The following ZNF425 variants were observed in gnomAD, a reference collection of about 807,000 sequenced individuals.
ZNF425 encodes zinc finger protein 425.
A neutral mutation model predicts 17.0 loss-of-function variants in ZNF425; 21 were observed. That is an observed-to-expected ratio of 1.23 (90% CI 0.88 to 1.78). The LOEUF (loss-of-function observed/expected upper bound fraction) is 1.78. Among genes scored for constraint, ZNF425 ranks in the 40% most tolerant of loss-of-function variants. The pLI, the probability that ZNF425 is intolerant of heterozygous loss-of-function variation, is 0.00. For synonymous variants in ZNF425, 433 were observed against 384.1 expected, an observed-to-expected ratio of 1.13 and a Z score of -1.49; for missense variants, 868 against 967.3, an observed-to-expected ratio of 0.90 and a Z score of 1.36.
In ZNF425 at chr7:149,104,731, G is replaced by T. The variant is rs368373727; in HGVS notation, c.1140C>A (p.His380Gln). The T allele has an allele frequency of 6.2e-7, 1 of 1,613,316 alleles. No homozygotes were observed. Among genetic ancestry groups the T allele is most frequent in the African/African-American group, 1.3e-5 (1 of 75,064 alleles). ...KAALKTHQRT[H>Q]SEEKPFSCGE... The stretch of plus-strand genomic sequence containing the variant: ...CACAAGAAAACGGCTTTTCCTCGCT[G>T]TGCGTCCTCTGGTGGGTCTTCAGGG... The change falls in exon 4 of 4, where the codon CAC becomes CAA. Residue 380 changes from histidine to glutamine, a missense_variant. Physicochemically the swap from His to Gln is conservative, Grantham distance 24. Coordinates refer to ENST00000378061, the MANE Select transcript of ZNF425 (RefSeq NM_001001661.3). The surrounding 1 kb of genome is among the most constrained non-coding windows in gnomAD (Gnocchi z 4.3).
At chr7:149,125,245 CAAG>C (rs1366791355) in intron 1 of ZNF425, among the ~76,000 whole-genome samples, 1 of 152,096 alleles carries the variant, frequency 6.6e-6, no homozygotes, top group Non-Finnish European at 1.5e-5. Flanking sequence ...ATTGGGGGCA[CAAG>C]AAAAACTTGC....
intron 2 of ZNF425, among the ~76,000 whole-genome samples, chr7:149,117,942 G>A (rs569252701): frequency 1.6e-4 from 25 of 152,130 alleles, no homozygotes; most frequent in Admixed American, 6.6e-4. Context: ...GTGAGCCACC[G>A]CGCCTGGCCA....
Position 149,118,229 on chromosome 7 carries a change from A to G in ZNF425, c.138T>C (p.Asp46=). 1 of 1,614,074 alleles carries G rather than the reference A, an allele frequency of 6.2e-7. No individual in the cohort carries two copies. Among genetic ancestry groups the G allele is most frequent in the Non-Finnish European group, 8.5e-7 (1 of 1,180,010 alleles). The change falls in exon 2 of 4, where the codon GAT becomes GAC. Residue 46 remains aspartate (D), a synonymous_variant. Coordinates refer to ENST00000378061, the MANE Select transcript of ZNF425 (RefSeq NM_001001661.3). ...QEMKTNYETL[D]SLGYAFSKPD... is the part of the protein sequence containing the mutation. ...CTTAGAAGCTCATCTTACCCAGGGA[A>G]TCAAGGGTCTCGTAATTGGTCTTCA...
chr7:149,125,935 G>A (rs995929329), intron 1 of ZNF425: 2 of 659,758 alleles, frequency 3.0e-6, no homozygotes, highest in East Asian at 2.8e-5. Context: ...CGCTGCTCCC[G>A]CCTCAGCCTT....
intron 1 of ZNF425, among the ~76,000 whole-genome samples, chr7:149,119,459 T>C (rs1826317439): frequency 6.6e-6 from 1 of 152,208 alleles, no homozygotes; most frequent in Admixed American, 6.6e-5. Flanking sequence ...TATATTATAG[T>C]ACAATATCAA....
rs1176377641 is a variant in ZNF425 at position 149,104,603 on chromosome 7, A to T, written c.1268T>A (p.Phe423Tyr). 1.2e-6 allele frequency: 2 copies of T among 1,614,044 alleles called. No individual in the cohort carries two copies. The highest frequency in any genetic ancestry group is 1.7e-6 in the Non-Finnish European group (2 of 1,179,982). Residue 423 changes from phenylalanine to tyrosine, a missense_variant, in exon 4 of 4, where the codon TTC becomes TAC. Around this residue, in one of 5 missense-constraint regions of ZNF425, gnomAD observed 437 missense variants for 444.2 expected, o/e 0.98. Transcript: ENST00000378061. This position sits in a 1 kb window ranked among gnomAD's most constrained non-coding sequence, Gnocchi z 4.3. ...GGCTTTCAGGCTTCTCTTGAGGCGG[A>T]AACTTTTGTTACACTCGGGACACGA... ...PFSCPECNKS[F>Y]RLKRSLKAHG... is the part of the protein sequence containing the mutation.
In ZNF425 at chr7:149,104,550, G is replaced by A; in HGVS notation, c.1321C>T (p.Pro441Ser). 6.2e-7 allele frequency: 1 copy of A among 1,612,506 alleles called. No individual in the cohort carries two copies. Among genetic ancestry groups the A allele is most frequent in the Non-Finnish European group, 8.5e-7 (1 of 1,179,402 alleles). Residue 441 changes from proline (P) to serine (S), a missense_variant, in exon 4 of 4, where the codon CCC (proline) becomes TCC (serine). Physicochemically the swap from Pro to Ser is moderately conservative, Grantham distance 74. Transcript: ENST00000378061. The surrounding 1 kb of genome is among the most constrained non-coding windows in gnomAD (Gnocchi z 4.3). ...CTGCTGCACTCCGGGCACTGGAAGGGCCGCTTCCCAATGTGCTGCAGCCCG... is the reference window on the plus strand; with the variant it reads ...CTGCTGCACTCCGGGCACTGGAAGGACCGCTTCCCAATGTGCTGCAGCCCG... The part of the protein sequence containing the change: ...AHGLQHIGKR[P>S]FQCPECSRGF...
At chr7:149,106,256 A>C (rs1196634006) in intron 3 of ZNF425, among the ~76,000 whole-genome samples, 1 of 128,676 alleles carries the variant, frequency 7.8e-6, no homozygotes, top group Non-Finnish European at 1.6e-5. Context: ...CCTGGCCTAA[A>C]ATTTTTTGAG....
chr7:149,120,385 AAAAC>A (rs1826331259), intron 1 of ZNF425, among the ~76,000 whole-genome samples: 1 of 152,188 alleles, frequency 6.6e-6, no homozygotes, highest in African/African-American at 2.4e-5. Context: ...CTGTCTCAAA[AAAAC>A]AAACAAAAAA....
chr7:149,108,207 G>A (rs557848655), intron 3 of ZNF425, among the ~76,000 whole-genome samples: 7 of 151,986 alleles, frequency 4.6e-5, no homozygotes, highest in South Asian at 2.1e-4. Context: ...TACCACGCCC[G>A]GCTAATTTTT....
intron 2 of ZNF425, among the ~76,000 whole-genome samples, chr7:149,112,916 C>T (rs1413378900): frequency 6.6e-6 from 1 of 150,504 alleles, no homozygotes; most frequent in Non-Finnish European, 1.5e-5. Context: ...CTGCCTGCGT[C>T]GGCCTCCCAA....
At chr7:149,124,521 ATTTTTTTGT>A (rs1250841932) in intron 1 of ZNF425, among the ~76,000 whole-genome samples, 1 of 149,182 alleles carries the variant, frequency 6.7e-6, no homozygotes, top group African/African-American at 2.5e-5. Flanking sequence ...CCTCACCCAT[ATTTTTTTGT>A]TGTTGTTGTT....
In ZNF425 at chr7:149,105,452, G is replaced by C. The variant is rs776309651; in HGVS notation, c.419C>G (p.Thr140Arg). Residue 140 changes from threonine to arginine, a missense_variant, in exon 4 of 4, where the codon ACA becomes AGA. Around this residue, in one of 5 missense-constraint regions of ZNF425, gnomAD observed 179 missense variants for 216.3 expected, o/e 0.83. Transcript: ENST00000378061. The stretch of plus-strand genomic sequence containing the variant: ...GAGACTTGGAGACTGGAAGGTGGCT[G>C]TTTGAGCTAATAAAATCTTTCTCTC... ...GKERKILLAQTATFQSPSLRE... is the reference protein window; with the variant it reads ...GKERKILLAQRATFQSPSLRE... 1.0e-5 allele frequency: 16 copies of C among 1,536,134 alleles called. No individual in the cohort carries two copies. The Middle Eastern group carries it at 7.1e-4, about 68-fold the overall frequency.
chr7:149,104,341 C>T lies in ZNF425; in HGVS notation c.1530G>A (p.Gln510=). ...CGECKKTFSQ[Q]SRLTQHLKVH... is the part of the protein sequence containing the mutation. ...CCTTCAGGTGCTGCGTGAGCCGCGA[C>T]TGCTGAGAAAAGGTCTTTTTGCACT... The change falls in exon 4 of 4, where the codon CAG becomes CAA. Residue 510 remains glutamine (Q), a synonymous_variant. Coordinates refer to ENST00000378061, the MANE Select transcript of ZNF425 (RefSeq NM_001001661.3). The surrounding 1 kb of genome is among the most constrained non-coding windows in gnomAD (Gnocchi z 4.3). 2.5e-6 allele frequency: 4 copies of T among 1,613,280 alleles called. No individual in the cohort carries two copies. The highest frequency in any genetic ancestry group is 3.4e-6 in the Non-Finnish European group (4 of 1,179,938).
intron 2 of ZNF425, among the ~76,000 whole-genome samples, chr7:149,114,245 G>T (rs149588059): frequency 0.056 from 1,489 of 26,442 alleles, 12 homozygotes; most frequent in African/African-American, 0.063. Flanking sequence ...TTTTTTTTTT[G>T]GTATTTTTAG....
At chr7:149,107,849 T>C (rs1207747651) in intron 3 of ZNF425, among the ~76,000 whole-genome samples, 2 of 149,178 alleles carry the variant, frequency 1.3e-5, no homozygotes, top group African/African-American at 4.9e-5. Flanking sequence ...TATTTATTTA[T>C]TTATTTATTT....
chr7:149,115,368 T>A (rs1294325734), intron 2 of ZNF425, among the ~76,000 whole-genome samples: 1 of 151,332 alleles, frequency 6.6e-6, no homozygotes, highest in Non-Finnish European at 1.5e-5. Context: ...AAAGAAGGGT[T>A]TTTTGCTGGG....
intron 2 of ZNF425, 163 bp from the exon 3 acceptor site, chr7:149,112,458 C>A: frequency 1.7e-6 from 1 of 577,036 alleles, no homozygotes; most frequent in Non-Finnish European, 3.0e-6. Context: ...ACACAGCAAA[C>A]TCCGTCTCTA....
chr7:149,126,241 T>C lies in ZNF425; in HGVS notation c.-28A>G, dbSNP rs766249961. On this transcript the variant is annotated 5_prime_UTR_variant, in exon 1 of 4. Transcript: ENST00000378061. ...CGGTTCCGCACGAACCGGCCCTGCC[T>C]GGCACGGCCTCCCCTCCGCTCCGCC... is the stretch of plus-strand genomic sequence containing the variant. The C allele has an allele frequency of 1.2e-6, 2 of 1,608,430 alleles. No homozygotes were observed. The highest frequency in any genetic ancestry group is 1.7e-6 in the Non-Finnish European group (2 of 1,177,930).
Sources: gnomAD v4.1 joint callset for allele counts (sites outside exome capture counted in the v4.1 genomes callset) on GRCh38, gnomAD v4.1.1 for gene constraint, gnomAD v4.1.1 regional missense constraint, Gnocchi (gnomAD v3.1) non-coding constraint, MANE v1.5 for transcripts, NCBI Gene and HGNC (gene_info 2026-07-23, HGNC 2026-07-21) for gene names.